The following MTBP variants were observed in gnomAD, a reference collection of about 807,000 sequenced individuals.
The protein encoded by MTBP is MDM2 binding protein, also known as mdm2-binding protein.
MTBP carries 101 observed loss-of-function variants against 117.0 expected under a neutral mutation model. The observed-to-expected ratio is 0.86, with a 90% CI of 0.73 to 1.02. The LOEUF (loss-of-function observed/expected upper bound fraction) is 1.02, where lower values mean the gene tolerates loss of function less well. Ranked by LOEUF, MTBP falls within the 50% of genes least tolerant of loss-of-function variation. The pLI is 0.00. For missense variants in MTBP, 970 were observed against 1,030.9 expected (o/e 0.94, Z 0.81); for synonymous variants, 350 against 351.5 (o/e 1.00, Z 0.05).
At chr8:120,488,030 C>T in intron 11 of MTBP, 129 bp from the exon 12 acceptor site, 1 of 601,282 alleles carries the variant, frequency 1.7e-6, no homozygotes, top group South Asian at 3.6e-5. Context: ...AACTACTAGC[C>T]CTGAATGTAT....
chr8:120,451,534 A>C (rs1393366679), intron 4 of MTBP: 11 of 465,114 alleles, frequency 2.4e-5, no homozygotes, highest in Non-Finnish European at 3.4e-5. Context: ...AATCATAAAA[A>C]GTGATATTTT....
chr8:120,492,301 C>G (rs1448580007), intron 13 of MTBP, among the ~76,000 whole-genome samples: 1 of 152,138 alleles, frequency 6.6e-6, no homozygotes, highest in Non-Finnish European at 1.5e-5. Context: ...GTTTAGAATG[C>G]CTGTGTCTCA....
intron 1 of MTBP, 30 bp downstream of exon 1, chr8:120,445,618 C>T (rs1421780546): frequency 1.9e-6 from 3 of 1,554,850 alleles, no homozygotes; most frequent in Non-Finnish European, 2.6e-6. Flanking sequence ...AGAGCGGGAA[C>T]GGCTTGTGGA....
At chr8:120,475,556 A>G (rs1168222612) in intron 11 of MTBP, among the ~76,000 whole-genome samples, 4 of 151,972 alleles carry the variant, frequency 2.6e-5, no homozygotes, top group Non-Finnish European at 4.4e-5. Context: ...AAAAATTGTT[A>G]CTTATCAGCA....
rs191154290 is a variant in MTBP at position 120,479,994 on chromosome 8, C to G, written c.1166-8165C>G. ...TAATGAATAAAATATTGAAGAATGT[C>G]TACCAAAAGAAGTAAAAGAAGTACA... is the stretch of plus-strand genomic sequence containing the variant. On this transcript the variant is annotated intron_variant, in intron 11 of 21. Transcript: ENST00000305949. Among the ~76,000 whole-genome samples the G allele has an allele frequency of 5.7e-3, 862 of 151,998 alleles. 14 individuals carry two copies. Among genetic ancestry groups the G allele is most frequent in the African/African-American group, 0.02 (815 of 41,454 alleles).
At chr8:120,502,360 G>C (rs1209522891) in intron 14 of MTBP, 132 bp from the exon 15 acceptor site, 2 of 491,084 alleles carry the variant, frequency 4.1e-6, no homozygotes, top group Non-Finnish European at 7.0e-6. Flanking sequence ...TTTAATAAAT[G>C]CCTAAGGTAA....
At position 120,488,219 on chromosome 8, in the gene MTBP, G is replaced by A. The variant is rs1814259856; in HGVS notation, c.1226G>A (p.Gly409Asp). ...TATTATCTCTTGTTACAAGGTAATG[G>A]CAATAGAAGATGTAAAGCCACATTG... ...SSYYLLLQGN[G>D]NRRCKATLIH... The change falls in exon 12 of 22, where the codon GGC becomes GAC. Residue 409 changes from glycine (G) to aspartate (D), a missense_variant. Physicochemically the swap from Gly to Asp is moderately conservative, Grantham distance 94 (BLOSUM62 -1). Transcript: ENST00000305949. 6.3e-7 allele frequency: 1 copy of A among 1,596,832 alleles called. No individual in the cohort carries two copies. Among genetic ancestry groups the A allele is most frequent in the Non-Finnish European group, 8.5e-7 (1 of 1,173,864 alleles).
At chr8:120,450,606 C>A (rs1813317873) in intron 2 of MTBP, among the ~76,000 whole-genome samples, 1 of 152,154 alleles carries the variant, frequency 6.6e-6, no homozygotes, top group South Asian at 2.1e-4. Flanking sequence ...TCAGGCTGAA[C>A]CAACCTGCAT....
chr8:120,462,754 G>C (rs958383018), intron 9 of MTBP, among the ~76,000 whole-genome samples: 5 of 152,102 alleles, frequency 3.3e-5, no homozygotes, highest in Non-Finnish European at 5.9e-5. Flanking sequence ...GGAAAGTCGA[G>C]GACTGAGTTC....
chr8:120,453,760 C>T, intron 4 of MTBP, 87 bp from the exon 5 acceptor site: 1 of 576,314 alleles, frequency 1.7e-6, no homozygotes, highest in Non-Finnish European at 2.9e-6. Flanking sequence ...GTCTGTACAA[C>T]AATCTTTTTA....
chr8:120,471,326 A>G (rs1000332997), intron 11 of MTBP: 1 of 157,350 alleles, frequency 6.4e-6, no homozygotes, highest in African/African-American at 2.4e-5. Context: ...ATTTAGAGAT[A>G]GAGTCTCGCT....
At chr8:120,510,874 C>G (rs1015623934) in intron 17 of MTBP, among the ~76,000 whole-genome samples, 1 of 150,838 alleles carries the variant, frequency 6.6e-6, no homozygotes, top group Admixed American at 6.6e-5. Context: ...CATGCCACTG[C>G]ACTCCTGCTG....
intron 11 of MTBP, among the ~76,000 whole-genome samples, chr8:120,479,443 G>A (rs1265648544): frequency 2.6e-5 from 4 of 152,190 alleles, no homozygotes; most frequent in Non-Finnish European, 5.9e-5. Flanking sequence ...TGTGCCTGCT[G>A]TGTGCAAGGT....
intron 16 of MTBP, among the ~76,000 whole-genome samples, chr8:120,509,211 A>G (rs545581809): frequency 6.2e-4 from 95 of 152,330 alleles, no homozygotes; most frequent in African/African-American, 2.2e-3. Context: ...ATTGTTACCA[A>G]AGATTCAAGT....
chr8:120,495,764 TTTTC>T (rs1233825093), intron 13 of MTBP, among the ~76,000 whole-genome samples: 2 of 152,182 alleles, frequency 1.3e-5, no homozygotes, highest in African/African-American at 2.4e-5. Context: ...ATTGATTTTT[TTTTC>T]TTTATCAAAG....
intron 6 of MTBP, 31 bp from the exon 7 acceptor site, chr8:120,456,522 G>T (rs1156430779): frequency 7.8e-7 from 1 of 1,276,762 alleles, no homozygotes; most frequent in East Asian, 2.4e-5. Context: ...ATAAAACCCT[G>T]TGTTTAATTG....
chr8:120,459,416 A>G (rs949222682), intron 8 of MTBP, 67 bp downstream of exon 8: 21 of 1,462,604 alleles, frequency 1.4e-5, no homozygotes, highest in African/African-American at 4.3e-5. Context: ...ATATGTTTGA[A>G]TCTTGACTTA....
intron 11 of MTBP, among the ~76,000 whole-genome samples, chr8:120,477,951 C>T (rs189630313): frequency 6.6e-6 from 1 of 152,278 alleles, no homozygotes; most frequent in African/African-American, 2.4e-5. Flanking sequence ...GACACATGCA[C>T]ATATATGCTT....
At chr8:120,450,656 C>T (rs1813319547) in intron 2 of MTBP, among the ~76,000 whole-genome samples, 1 of 152,172 alleles carries the variant, frequency 6.6e-6, no homozygotes, top group Admixed American at 6.5e-5. Flanking sequence ...AAATGACTTA[C>T]ATGGTTTTGC....
Sources: allele counts gnomAD v4.1 joint callset (sites outside exome capture counted in the v4.1 genomes callset), GRCh38; gene constraint gnomAD v4.1.1; transcripts MANE v1.5; gene names NCBI Gene and HGNC (gene_info 2026-07-23, HGNC 2026-07-21).